CREB5: variants seen among roughly 807,000 people sequenced by gnomAD.
CREB5 encodes cAMP responsive element binding protein 5.
CREB5 carries 19 observed loss-of-function variants against 57.1 expected under a neutral mutation model. That is an observed-to-expected ratio of 0.33 (90% CI 0.23 to 0.49). The LOEUF is 0.49. Ranked by LOEUF, CREB5 falls within the 20% of genes least tolerant of loss-of-function variation. CREB5 has a pLI of 0.99. For synonymous variants in CREB5, 238 were observed against 238.3 expected (o/e 1.00, Z 0.01); for missense variants, 579 against 671.6 (o/e 0.86, Z 1.52).
intron 4 of CREB5, among the ~76,000 whole-genome samples, chr7:28,556,430 T>C (rs2128636690): frequency 6.6e-6 from 1 of 152,252 alleles, no homozygotes; most frequent in Admixed American, 6.5e-5. Flanking sequence ...CACCATGGGA[T>C]GGGTGCGTCT....
At chr7:28,366,129 T>C (rs1165505983) in intron 1 of CREB5, among the ~76,000 whole-genome samples, 4 of 152,172 alleles carry the variant, frequency 2.6e-5, no homozygotes, top group African/African-American at 7.2e-5. Context: ...TTCACTCAAC[T>C]TCACCCGCAA....
At chr7:28,350,369 C>T (rs989944314) in intron 1 of CREB5, among the ~76,000 whole-genome samples, 7 of 152,114 alleles carry the variant, frequency 4.6e-5, no homozygotes, top group African/African-American at 1.7e-4. Flanking sequence ...CTCCTCACAG[C>T]TTATCATCCT....
chr7:28,504,989 T>A (rs1279963782), intron 3 of CREB5, among the ~76,000 whole-genome samples: 1 of 152,210 alleles, frequency 6.6e-6, no homozygotes, highest in East Asian at 1.9e-4. Flanking sequence ...TTGCTGAGAC[T>A]ACTTGTGGAT....
At chr7:28,592,806 C>A (rs1054417838) in intron 5 of CREB5, among the ~76,000 whole-genome samples, 1 of 152,174 alleles carries the variant, frequency 6.6e-6, no homozygotes, top group Non-Finnish European at 1.5e-5. Context: ...GTATTAGGTG[C>A]AGTCAGTGCC....
At chr7:28,483,844 G>A (rs1791443769) in intron 1 of CREB5, among the ~76,000 whole-genome samples, 1 of 152,142 alleles carries the variant, frequency 6.6e-6, no homozygotes, top group Admixed American at 6.5e-5. Context: ...CATGAAATCT[G>A]GAGAGATTTC....
rs964139607 is a variant in CREB5, at chr7:28,359,962, T to C, written c.-25+60521T>C. On this transcript the variant is annotated intron_variant, in intron 1 of 9. Transcript: ENST00000396299. ...ACATGACATACAAATAGCCAACAGATATATGAAAAAATGCTCAACATCACT... is the reference window on the plus strand; with the variant it reads ...ACATGACATACAAATAGCCAACAGACATATGAAAAAATGCTCAACATCACT... Among the ~76,000 whole-genome samples the C allele has an allele frequency of 9.9e-5, 15 of 152,216 alleles. 1 individual carries two copies. The South Asian group carries it at 2.7e-3, about 27-fold the overall frequency.
At chr7:28,628,233 A>C (rs989916684) in intron 5 of CREB5, among the ~76,000 whole-genome samples, 3 of 151,800 alleles carry the variant, frequency 2.0e-5, no homozygotes, top group African/African-American at 7.3e-5. Context: ...ACAGCAATCC[A>C]GGACTTTTGT....
intron 9 of CREB5, among the ~76,000 whole-genome samples, chr7:28,811,881 G>C (rs1583803734): frequency 6.6e-6 from 1 of 152,186 alleles, no homozygotes; most frequent in Non-Finnish European, 1.5e-5. Flanking sequence ...TAACTGAAGT[G>C]GGGGGAATCC....
intron 1 of CREB5, among the ~76,000 whole-genome samples, chr7:28,393,419 G>A (rs1181879420): frequency 6.6e-6 from 1 of 152,006 alleles, no homozygotes; most frequent in African/African-American, 2.4e-5. Context: ...ACTTTTCTTG[G>A]TTACTTTGAT....
At chr7:28,333,708 G>A (rs968077417) in intron 1 of CREB5, among the ~76,000 whole-genome samples, 4 of 152,166 alleles carry the variant, frequency 2.6e-5, no homozygotes, top group Admixed American at 6.5e-5. Flanking sequence ...CATCTATGTT[G>A]TTGCAAATGG....
At chr7:28,463,926 C>T (rs537938464) in intron 1 of CREB5, among the ~76,000 whole-genome samples, 4 of 152,192 alleles carry the variant, frequency 2.6e-5, no homozygotes, top group South Asian at 2.1e-4. Flanking sequence ...CATTTTCTTG[C>T]TTAATTGCCA....
intron 7 of CREB5, among the ~76,000 whole-genome samples, chr7:28,765,775 A>G (rs1262069828): frequency 6.6e-6 from 1 of 152,218 alleles, no homozygotes; most frequent in East Asian, 1.9e-4. Flanking sequence ...GCACACTGTA[A>G]TGTGCCCTTA....
chr7:28,608,363 A>G (rs1029364899), intron 5 of CREB5, among the ~76,000 whole-genome samples: 1 of 152,178 alleles, frequency 6.6e-6, no homozygotes, highest in Admixed American at 6.5e-5. Context: ...GCAGTAAAAT[A>G]CCAGAAAGAT....
At chr7:28,549,676 G>A (rs1794548507) in intron 4 of CREB5, among the ~76,000 whole-genome samples, 1 of 151,626 alleles carries the variant, frequency 6.6e-6, no homozygotes, top group Admixed American at 6.6e-5. Flanking sequence ...GGTGAGAAAT[G>A]TTGTTTATTT....
intron 1 of CREB5, among the ~76,000 whole-genome samples, chr7:28,306,958 G>T (rs1339678095): frequency 6.6e-6 from 1 of 152,122 alleles, no homozygotes. Flanking sequence ...ACAACATTTT[G>T]GTTTACTTGC....
intron 1 of CREB5, among the ~76,000 whole-genome samples, chr7:28,345,525 C>T (rs952938434): frequency 6.6e-6 from 1 of 152,092 alleles, no homozygotes; most frequent in Non-Finnish European, 1.5e-5. Context: ...GGCTTGACCT[C>T]AATTTATCCT....
In CREB5 at chr7:28,825,699, T is replaced by C. The variant is rs1262219968; in HGVS notation, c.*6420T>C. On this transcript the variant is annotated 3_prime_UTR_variant, in exon 11 of 11. Transcript: ENST00000357727. The stretch of plus-strand genomic sequence containing the variant: ...AATACTTGCTGCAGCATTTAATATG[T>C]TTAATTTTGTGTTAAGCTTTTTGTT... 1.3e-5 allele frequency: 2 copies of C among 152,598 alleles called. No individual in the cohort carries two copies. The highest frequency in any genetic ancestry group is 2.4e-5 in the African/African-American group (1 of 41,430). 9.5% of individuals were successfully genotyped at this position (152,598 alleles called of 1,614,324 possible).
intron 4 of CREB5, among the ~76,000 whole-genome samples, chr7:28,564,368 T>C (rs1042608399): frequency 1.3e-5 from 2 of 152,244 alleles, no homozygotes; most frequent in Non-Finnish European, 2.9e-5. Flanking sequence ...TCACTTTCAA[T>C]TGTGGTCCAT....
In CREB5 at chr7:28,641,641, C is replaced by G. The variant is rs145163208; in HGVS notation, c.464+71104C>G. On this transcript the variant is annotated intron_variant, in intron 5 of 10. Coordinates refer to ENST00000357727, the MANE Select transcript of CREB5 (RefSeq NM_182898.4). ...TAAACACCCAAAATGTGCTTTGGGT[C>G]CTTCACATTTCTAGCTACATCATTT... Among the ~76,000 whole-genome samples the G allele has an allele frequency of 4.5e-4, 68 of 152,264 alleles. 1 individual carries two copies. The highest frequency in any genetic ancestry group is 1.6e-3 in the African/African-American group (67 of 41,554).
Sources: gnomAD v4.1 joint callset for allele counts (sites outside exome capture counted in the v4.1 genomes callset) on GRCh38, gnomAD v4.1.1 for gene constraint, MANE v1.5 for transcripts, NCBI Gene and HGNC (gene_info 2026-07-23, HGNC 2026-07-21) for gene names.